CTNNA3: variants seen among roughly 807,000 people sequenced by gnomAD.
CTNNA3 encodes the protein catenin alpha-3.
CTNNA3 carries 76 observed loss-of-function variants against 95.7 expected under a neutral mutation model. That is an observed-to-expected ratio of 0.79 (90% confidence interval 0.66 to 0.96). The LOEUF (loss-of-function observed/expected upper bound fraction) is 0.96, where lower values mean the gene tolerates loss of function less well. CTNNA3 is among the 40% of genes least tolerant of loss of function. The probability of loss-of-function intolerance (pLI) is 0.00; values close to 1 mark genes in which losing one functional copy is unlikely to be tolerated. For missense variants in CTNNA3, 1,191 were observed against 1,089.8 expected (o/e 1.09, Z -1.31); for synonymous variants, 431 against 374.4 (o/e 1.15, Z -1.74).
intron 10 of CTNNA3, among the ~76,000 whole-genome samples, chr10:66,563,065 A>G (rs1842602141): frequency 6.6e-6 from 1 of 152,092 alleles, no homozygotes; most frequent in Non-Finnish European, 1.5e-5. Flanking sequence ...GTCACTGCCA[A>G]AGAACAGCAG....
At chr10:67,097,801 G>A in intron 7 of CTNNA3, 2 of 1,611,882 alleles carry the variant, frequency 1.2e-6, no homozygotes, top group Non-Finnish European at 1.7e-6. Context: ...GCTTAACTGA[G>A]ATCATTGGTA....
At chr10:66,087,277 C>A (rs1038425632) in intron 14 of CTNNA3, among the ~76,000 whole-genome samples, 1 of 152,110 alleles carries the variant, frequency 6.6e-6, no homozygotes, top group Non-Finnish European at 1.5e-5. Context: ...CCTTTCTCTG[C>A]ATGAGGAAGC....
At chr10:67,681,445 T>G (rs1435255845) in intron 1 of CTNNA3, among the ~76,000 whole-genome samples, 2 of 152,128 alleles carry the variant, frequency 1.3e-5, no homozygotes, top group Non-Finnish European at 2.9e-5. Context: ...TAAATTATAA[T>G]GATCAACTGA....
At chr10:66,171,157 GA>G (rs2085407324) in intron 13 of CTNNA3, among the ~76,000 whole-genome samples, 1 of 151,328 alleles carries the variant, frequency 6.6e-6, no homozygotes, top group African/African-American at 2.4e-5. Flanking sequence ...ATCTCACAAT[GA>G]CCTGAAAGAA....
intron 2 of CTNNA3, among the ~76,000 whole-genome samples, chr10:67,637,138 A>T (rs1839345125): frequency 6.6e-6 from 1 of 152,202 alleles, no homozygotes; most frequent in Admixed American, 6.5e-5. Flanking sequence ...CGAATGGCTA[A>T]CTAGAATACC....
intron 8 of CTNNA3, among the ~76,000 whole-genome samples, chr10:66,768,132 G>T (rs557426545): frequency 6.6e-6 from 1 of 152,290 alleles, no homozygotes; most frequent in East Asian, 1.9e-4. Context: ...GAAGAGAAAA[G>T]TAGAGATTCC....
At chr10:66,446,726 T>G (rs1336545244) in intron 11 of CTNNA3, among the ~76,000 whole-genome samples, 1 of 152,170 alleles carries the variant, frequency 6.6e-6, no homozygotes, top group Non-Finnish European at 1.5e-5. Context: ...TCATACTGAA[T>G]GGGCAAAATC....
chr10:67,272,435 C>T (rs1202056576), intron 5 of CTNNA3, among the ~76,000 whole-genome samples: 3 of 152,002 alleles, frequency 2.0e-5, no homozygotes, highest in African/African-American at 7.3e-5. Flanking sequence ...TGCCTGTAGT[C>T]CCGGTTACTT....
intron 5 of CTNNA3, among the ~76,000 whole-genome samples, chr10:67,444,418 C>T (rs1051133851): frequency 6.6e-6 from 1 of 151,952 alleles, no homozygotes; most frequent in Non-Finnish European, 1.5e-5. Context: ...CAAGTTCATA[C>T]CTATAAATGC....
chr10:65,927,965 G>T (rs1351570501), intron 17 of CTNNA3, among the ~76,000 whole-genome samples: 2 of 152,056 alleles, frequency 1.3e-5, no homozygotes, highest in Admixed American at 1.3e-4. Flanking sequence ...TTGGTATTTT[G>T]ATATTTTGAT....
intron 7 of CTNNA3, among the ~76,000 whole-genome samples, chr10:67,029,616 G>A (rs1009234202): frequency 2.6e-5 from 4 of 152,132 alleles, no homozygotes; most frequent in African/African-American, 7.2e-5. Context: ...ACAAAAGAGA[G>A]GTTTGGGATG....
chr10:66,082,389 A>G (rs1564625402), intron 14 of CTNNA3, among the ~76,000 whole-genome samples: 1 of 152,184 alleles, frequency 6.6e-6, no homozygotes, highest in African/African-American at 2.4e-5. Context: ...ATTATATGAG[A>G]TTCTATAAAA....
intron 3 of CTNNA3, among the ~76,000 whole-genome samples, chr10:67,588,233 TTAATTATTAATAATTA>T (rs563265767): frequency 3.3e-5 from 2 of 61,342 alleles, no homozygotes; most frequent in African/African-American, 5.4e-4. Flanking sequence ...TATCTTATTA[TTAATTATTAATAATTA>T]AGAATTATTG....
intron 5 of CTNNA3, among the ~76,000 whole-genome samples, chr10:67,302,128 C>T (rs1564548623): frequency 6.6e-6 from 1 of 150,712 alleles, no homozygotes; most frequent in Non-Finnish European, 1.5e-5. Flanking sequence ...TAGGGTGAAC[C>T]TGGAGGACAT....
intron 9 of CTNNA3, among the ~76,000 whole-genome samples, chr10:66,694,324 C>T (rs1416083944): frequency 2.6e-5 from 4 of 152,082 alleles, no homozygotes; most frequent in African/African-American, 7.2e-5. Context: ...TCAGAGAATA[C>T]TACAAACACC....
intron 11 of CTNNA3, among the ~76,000 whole-genome samples, chr10:66,431,338 C>G (rs1589240037): frequency 6.6e-6 from 1 of 152,236 alleles, no homozygotes; most frequent in East Asian, 1.9e-4. Flanking sequence ...GACAGTGTGG[C>G]AATTCCTCAG....
chr10:67,755,391 T>C (rs572713564), intron 1 of CTNNA3, among the ~76,000 whole-genome samples: 6 of 151,850 alleles, frequency 4.0e-5, no homozygotes, highest in African/African-American at 1.2e-4. Flanking sequence ...TTATACGCGA[T>C]TGGCAAGAAT....
At chr10:67,712,319 G>A (rs564198728) in intron 1 of CTNNA3, among the ~76,000 whole-genome samples, 4 of 152,362 alleles carry the variant, frequency 2.6e-5, no homozygotes, top group Admixed American at 2.0e-4. Context: ...AATCCAAGCT[G>A]GCTGCAGAAA....
chr10:66,415,090 C>T (rs2093135954), intron 11 of CTNNA3, among the ~76,000 whole-genome samples: 1 of 152,108 alleles, frequency 6.6e-6, no homozygotes, highest in Admixed American at 6.5e-5. Context: ...AGGGCAGCTA[C>T]TATAGCCTCC....
Sources: gnomAD v4.1 joint callset for allele counts (sites outside exome capture counted in the v4.1 genomes callset) on GRCh38, gnomAD v4.1.1 for gene constraint, MANE v1.5 for transcripts, NCBI Gene and HGNC (gene_info 2026-07-23, HGNC 2026-07-21) for gene names.